The following HELB variants were observed in gnomAD, a reference collection of about 807,000 sequenced individuals.
HELB encodes DNA helicase B.
Under a neutral mutation model 101.7 loss-of-function variants are expected in HELB, and 96 were observed. The observed-to-expected ratio is 0.94, with a 90% confidence interval of 0.80 to 1.12. HELB has a LOEUF of 1.12. HELB is among the 50% of genes most tolerant of loss of function. The pLI is 0.00. For missense variants in HELB, 1,210 were observed against 1,291.9 expected (o/e 0.94, Z 0.97); for synonymous variants, 437 against 459.7 (o/e 0.95, Z 0.63).
intron 10 of HELB, 77 bp downstream of exon 10, chr12:66,324,288 C>A: frequency 2.0e-6 from 2 of 1,017,902 alleles, no homozygotes; most frequent in Admixed American, 2.0e-5. Context: ...AGGATTCATT[C>A]AGAATCTAAT....
rs776829460 is a variant in HELB, at chr12:66,325,137, A to G, written c.2670+11A>G. 3 of 1,551,076 alleles carry G rather than the reference A, an allele frequency of 1.9e-6. No homozygotes were observed. Among genetic ancestry groups the G allele is most frequent in the Non-Finnish European group, 2.7e-6 (3 of 1,131,588 alleles). Reference sequence around the variant, plus strand: ...ATTCACACTTTTCAGGTAAGAGGAGACTTTTATCAAACCTTTTAAATAATT... The same window carrying G: ...ATTCACACTTTTCAGGTAAGAGGAGGCTTTTATCAAACCTTTTAAATAATT... On this transcript the variant is annotated intron_variant, in intron 11 of 12. Transcript: ENST00000247815.
intron 4 of HELB, among the ~76,000 whole-genome samples, chr12:66,311,391 G>A (rs1312829019): frequency 2.0e-5 from 3 of 152,102 alleles, no homozygotes; most frequent in African/African-American, 7.2e-5. Context: ...GAGGCTGTGA[G>A]GTCGAAGCTG....
At chr12:66,306,080 AGGC>A (rs2053471925) in intron 2 of HELB, among the ~76,000 whole-genome samples, 1 of 152,200 alleles carries the variant, frequency 6.6e-6, no homozygotes, top group African/African-American at 2.4e-5. Flanking sequence ...GTTATAGTGC[AGGC>A]AGTAGGAAAC....
At chr12:66,315,509 C>G in intron 6 of HELB, 126 bp downstream of exon 6, 1 of 568,994 alleles carries the variant, frequency 1.8e-6, no homozygotes, top group Non-Finnish European at 2.7e-6. Context: ...TTCCATCCTT[C>G]AACTATAAAC....
At chr12:66,326,181 A>G (rs2053734919) in intron 11 of HELB, among the ~76,000 whole-genome samples, 1 of 150,960 alleles carries the variant, frequency 6.6e-6, no homozygotes, top group African/African-American at 2.4e-5. Context: ...TCTCTTATTT[A>G]TCTCTTTGTT....
chr12:66,302,583 TG>T lies in HELB; in HGVS notation c.-18del. The T allele has an allele frequency of 6.2e-7, 1 of 1,605,990 alleles. No homozygotes were observed. ...TTAGCCAGGGTTTTCCCGAGTTGTTTGGGTTGAGTTCAGGAGAAGCATGGCC... is the reference window on the plus strand; with the variant it reads ...TTAGCCAGGGTTTTCCCGAGTTGTTTGGTTGAGTTCAGGAGAAGCATGGCC... On this transcript the variant is annotated 5_prime_UTR_variant, in exon 1 of 13. It removes the in-frame stop codon of an upstream open reading frame in the 5' UTR. Transcript: ENST00000247815.
At chr12:66,325,188 G>T in intron 11 of HELB, 62 bp downstream of exon 11, 1 of 1,218,390 alleles carries the variant, frequency 8.2e-7, no homozygotes, top group South Asian at 1.4e-5. Flanking sequence ...GCCTTGCATT[G>T]TTTTCGTAAA....
intron 7 of HELB, among the ~76,000 whole-genome samples, chr12:66,320,609 T>TA (rs966400363): frequency 5.3e-5 from 8 of 152,132 alleles, no homozygotes; most frequent in Admixed American, 2.0e-4. Context: ...AATGTACTTT[T>TA]AAAAAAAATT....
chr12:66,324,958 A>G (rs762840286), intron 10 of HELB, 25 bp from the exon 11 acceptor site: 3 of 1,611,700 alleles, frequency 1.9e-6, no homozygotes, highest in African/African-American at 2.7e-5. Flanking sequence ...AAGGTATGCA[A>G]AATAGTTCTT....
At chr12:66,326,957 T>C (rs1446888446) in intron 11 of HELB, among the ~76,000 whole-genome samples, 4 of 139,282 alleles carry the variant, frequency 2.9e-5, no homozygotes, top group East Asian at 2.2e-4. Context: ...AATCACTTGA[T>C]CCTGGGAGGC....
At chr12:66,308,804 T>C (rs1271589531) in intron 3 of HELB, among the ~76,000 whole-genome samples, 1 of 152,158 alleles carries the variant, frequency 6.6e-6, no homozygotes, top group Non-Finnish European at 1.5e-5. Context: ...TAATTACCTC[T>C]TTAAAACCCT....
intron 7 of HELB, among the ~76,000 whole-genome samples, chr12:66,319,995 A>T (rs987453969): frequency 1.4e-5 from 2 of 146,560 alleles, no homozygotes; most frequent in South Asian, 2.1e-4. Context: ...GGAAAAGATT[A>T]AAAAAAAATT....
intron 8 of HELB, 133 bp downstream of exon 8, chr12:66,322,162 T>A (rs780801343): frequency 4.5e-5 from 24 of 536,810 alleles, no homozygotes; most frequent in Admixed American, 7.0e-5. Context: ...TTGGGGTATG[T>A]CTTTGTTAGA....
rs149855794 is a variant in HELB, at chr12:66,337,039, G to A, written c.3163-962G>A. ...TTGGAGAAGAGATGCTAAGGATAGAGCTGATGGGACTTAATGATCAGTTGG... is the reference window on the plus strand; with the variant it reads ...TTGGAGAAGAGATGCTAAGGATAGAACTGATGGGACTTAATGATCAGTTGG... On this transcript the variant is annotated intron_variant, in intron 12 of 12. Coordinates refer to ENST00000247815, the MANE Select transcript of HELB (RefSeq NM_001370285.1). 9.2e-5 allele frequency among the ~76,000 whole-genome samples: 14 copies of A among 152,302 alleles called. No individual in the cohort carries two copies. The East Asian group carries it at 2.7e-3, about 29-fold the overall frequency.
At chr12:66,315,749 G>T (rs1040332903) in intron 6 of HELB, among the ~76,000 whole-genome samples, 1 of 152,156 alleles carries the variant, frequency 6.6e-6, no homozygotes. Context: ...CCTAATTTTT[G>T]TGGGAGAAAG....
intron 12 of HELB, among the ~76,000 whole-genome samples, chr12:66,333,883 A>C (rs1203722279): frequency 6.6e-6 from 1 of 151,102 alleles, no homozygotes; most frequent in African/African-American, 2.4e-5. Context: ...ACATAGTCCC[A>C]GCATGGTGGC....
At chr12:66,329,736 G>A (rs11176149) in intron 11 of HELB, among the ~76,000 whole-genome samples, 7,843 of 152,068 alleles carry the variant, frequency 0.052, 556 homozygotes, top group East Asian at 0.17. Context: ...AGACCATTAA[G>A]TATTAATAAT....
At chr12:66,325,850 G>C (rs897658979) in intron 11 of HELB, among the ~76,000 whole-genome samples, 1 of 152,016 alleles carries the variant, frequency 6.6e-6, no homozygotes, top group East Asian at 1.9e-4. Flanking sequence ...ATCTTTGTGA[G>C]GCAACCTTTT....
Position 66,331,437 on chromosome 12 carries a change from C to A in HELB, c.2954C>A (p.Pro985Gln), listed in dbSNP as rs147917939. 1 of 1,614,098 alleles carries A rather than the reference C, an allele frequency of 6.2e-7. No homozygotes were observed. Among genetic ancestry groups the A allele is most frequent in the African/African-American group, 1.3e-5 (1 of 74,940 alleles). Residue 985 changes from proline (P) to glutamine (Q), a missense_variant, in exon 12 of 13, where the codon CCA becomes CAA. Physicochemically the swap from Pro to Gln is moderately conservative, Grantham distance 76 (BLOSUM62 -1). This residue lies in a region of HELB where 740 missense variants were observed against 728.8 expected (regional missense o/e 1.02). Transcript: ENST00000247815. The part of the protein sequence containing the change: ...SGGPSTPSAS[P>Q]LPVVTDHAMT... ...GGACCCAGCACACCGTCAGCATCTC[C>A]ACTCCCTGTAGTCACAGACCACGCC...
Sources: allele counts gnomAD v4.1 joint callset (sites outside exome capture counted in the v4.1 genomes callset), GRCh38; gene constraint gnomAD v4.1.1; regional missense constraint gnomAD v4.1.1; transcripts MANE v1.5; gene names NCBI Gene and HGNC (gene_info 2026-07-23, HGNC 2026-07-21).